Variants in KIF13A observed in about 807,000 individuals in gnomAD.
KIF13A encodes kinesin-like protein KIF13A.
KIF13A carries 79 observed loss-of-function variants against 212.2 expected under a neutral mutation model. That is an observed-to-expected ratio of 0.37 (90% CI 0.31 to 0.45). The LOEUF (loss-of-function observed/expected upper bound fraction) is 0.45. KIF13A is among the 20% of genes least tolerant of loss of function. The pLI is 1.00. For missense variants in KIF13A, 1,901 were observed against 2,209.0 expected (o/e 0.86, Z 2.79); for synonymous variants, 789 against 808.6 (o/e 0.98, Z 0.41).
chr6:17,781,360 C>A (rs996002191), intron 29 of KIF13A, 59 bp from the exon 30 acceptor site: 11 of 1,485,102 alleles, frequency 7.4e-6, no homozygotes, highest in East Asian at 4.7e-5. Context: ...TAAGCAAACA[C>A]CAAAAATTTA....
chr6:17,764,878 T>C lies in KIF13A; in HGVS notation c.4650A>G (p.Val1550=). The C allele has an allele frequency of 6.2e-7, 1 of 1,613,830 alleles. No individual in the cohort carries two copies. Among genetic ancestry groups the C allele is most frequent in the South Asian group, 1.1e-5 (1 of 91,054 alleles). ...NRKLISSQPY[V]PVEFADFSVY... ...CACTGAAGTCAGCAAACTCCACAGG[T>C]ACATAAGGCTGTGAACTTATTAGCT... The change falls in exon 39 of 39, where the codon GTA becomes GTG. Residue 1550 remains valine, a synonymous_variant. Coordinates refer to ENST00000259711, the MANE Select transcript of KIF13A (RefSeq NM_022113.6). The surrounding 1 kb of genome is among the most constrained non-coding windows in gnomAD (Gnocchi z 5.1).
At chr6:17,859,621 TA>T (rs1450176281) in intron 4 of KIF13A, among the ~76,000 whole-genome samples, 3 of 111,810 alleles carry the variant, frequency 2.7e-5, no homozygotes, top group African/African-American at 3.9e-5. Context: ...CAATGTATTT[TA>T]TATATATATA....
chr6:17,882,280 T>C (rs969504230), intron 3 of KIF13A: 3 of 286,782 alleles, frequency 1.0e-5, no homozygotes, highest in African/African-American at 4.4e-5. Context: ...AAGTATGTAC[T>C]AGGCATGTTT....
rs78226409 is a variant in KIF13A, at chr6:17,900,770, C to T, written c.147-2590G>A. Among the ~76,000 whole-genome samples the T allele has an allele frequency of 3.2e-4, 49 of 152,180 alleles. No homozygotes were observed. In the East Asian group the frequency reaches 8.5e-3, roughly 26 times the overall value. On this transcript the variant is annotated intron_variant, in intron 2 of 38. Coordinates refer to ENST00000259711, the MANE Select transcript of KIF13A (RefSeq NM_022113.6). The surrounding 1 kb of genome is among the most constrained non-coding windows in gnomAD (Gnocchi z 4.6). ...CCTTTCTTAAGGTTTCTAAGGGACT[C>T]GAACAAAACTGAGAGCTCAGTCCAG...
At chr6:17,985,712 T>A (rs955988249) in intron 2 of KIF13A, among the ~76,000 whole-genome samples, 1 of 150,144 alleles carries the variant, frequency 6.7e-6, no homozygotes, top group Admixed American at 6.6e-5. Context: ...ACTCAATGAG[T>A]TTACTTACTA....
chr6:17,943,669 T>C (rs1777139699), intron 2 of KIF13A, among the ~76,000 whole-genome samples: 1 of 152,164 alleles, frequency 6.6e-6, no homozygotes, highest in South Asian at 2.1e-4. Context: ...TCACTGATTC[T>C]GTCTTCCACA....
chr6:17,986,881 G>C (rs1282832006), intron 2 of KIF13A, among the ~76,000 whole-genome samples, 173 bp downstream of exon 2: 7 of 152,234 alleles, frequency 4.6e-5, no homozygotes, highest in East Asian at 1.9e-4. Flanking sequence ...GGAGGAGAAG[G>C]GGGGCGAGGG....
At chr6:17,869,098 T>C (rs1769761630) in intron 4 of KIF13A, among the ~76,000 whole-genome samples, 1 of 151,728 alleles carries the variant, frequency 6.6e-6, no homozygotes, top group Admixed American at 6.6e-5. Context: ...AGCCTTTAAT[T>C]TGCCTCTGAA....
At position 17,768,102 on chromosome 6, in the gene KIF13A, G is replaced by A. The variant is rs1759178811; in HGVS notation, c.4581+3012C>T. Among the ~76,000 whole-genome samples the A allele has an allele frequency of 6.6e-6, 1 of 152,190 alleles. No homozygotes were observed. The highest frequency in any genetic ancestry group is 2.4e-5 in the African/African-American group (1 of 41,450). On this transcript the variant is annotated intron_variant, in intron 38 of 38. Coordinates refer to ENST00000259711, the MANE Select transcript of KIF13A (RefSeq NM_022113.6). This position sits in a 1 kb window ranked among gnomAD's most constrained non-coding sequence, Gnocchi z 5.4. ...GAGATTGAATGTTTATTGAGTTATT[G>A]CCAATTAAGGGAGGATTTAATTGGC...
chr6:17,860,101 T>C lies in KIF13A; in HGVS notation c.221-3979A>G, dbSNP rs1352470031. ...GATTCCATTCATCATCAGTAATTCA[T>C]GCTGCATGACACTGGCAATCAGTTG... On this transcript the variant is annotated intron_variant, in intron 4 of 38. Transcript: ENST00000259711. Among the ~76,000 whole-genome samples the C allele has an allele frequency of 2.6e-5, 4 of 152,188 alleles. No individual in the cohort carries two copies. The East Asian group carries it at 5.8e-4, about 22-fold the overall frequency.
At chr6:17,925,435 C>T (rs1226201816) in intron 2 of KIF13A, among the ~76,000 whole-genome samples, 3 of 152,180 alleles carry the variant, frequency 2.0e-5, no homozygotes, top group Non-Finnish European at 4.4e-5. Flanking sequence ...TATTAGACAT[C>T]TAAATGAGAA....
chr6:17,764,434 T>C lies in KIF13A; in HGVS notation c.5094A>G (p.Ser1698=), dbSNP rs1447564481. Residue 1698 remains serine, a synonymous_variant, in exon 39 of 39, where the codon TCA becomes TCG. Coordinates refer to ENST00000259711, the MANE Select transcript of KIF13A (RefSeq NM_022113.6). This position sits in a 1 kb window ranked among gnomAD's most constrained non-coding sequence, Gnocchi z 5.1. ...KNSKSLCRTG[S]CSELDACPSK... is the part of the protein sequence containing the mutation. ...TGGGGCAGGCATCTAGTTCTGAACA[T>C]GAGCCAGTCCTGCACAGTGATTTGG... The C allele has an allele frequency of 1.9e-6, 3 of 1,613,592 alleles. No homozygotes were observed. Among genetic ancestry groups the C allele is most frequent in the Non-Finnish European group, 1.7e-6 (2 of 1,179,494 alleles).
Position 17,794,741 on chromosome 6 carries a change from G to T in KIF13A, c.2943-37C>A, listed in dbSNP as rs767366511. 6.3e-7 allele frequency: 1 copy of T among 1,590,988 alleles called. No individual in the cohort carries two copies. Among genetic ancestry groups the T allele is most frequent in the Non-Finnish European group, 8.5e-7 (1 of 1,171,814 alleles). ...CATTCCAACAAGCAAGAGCGTCATC[G>T]TCCAGGGATACTGTTAGTAATAGTA... is the stretch of plus-strand genomic sequence containing the variant. On this transcript the variant is annotated intron_variant, in intron 23 of 38. Transcript: ENST00000259711. The surrounding 1 kb of genome is among the most constrained non-coding windows in gnomAD (Gnocchi z 4.1).
chr6:17,891,784 A>G (rs1457817396), intron 3 of KIF13A, among the ~76,000 whole-genome samples: 3 of 152,050 alleles, frequency 2.0e-5, no homozygotes, highest in African/African-American at 7.2e-5. Context: ...AAGACACCCA[A>G]TTTGGGGAGA....
At chr6:17,954,964 C>T (rs912248117) in intron 2 of KIF13A, among the ~76,000 whole-genome samples, 2 of 152,112 alleles carry the variant, frequency 1.3e-5, no homozygotes, top group South Asian at 2.1e-4. Flanking sequence ...CAGGTGTGTG[C>T]CACCACACCA....
In KIF13A at chr6:17,869,064, G is replaced by T. The variant is rs1769754751; in HGVS notation, c.220+4313C>A. Reference sequence around the variant, plus strand: ...AAAATACCTCAAAGCATGATTCAATGCAATGTGAATGGCTTAACAAATAAG... The same window carrying T: ...AAAATACCTCAAAGCATGATTCAATTCAATGTGAATGGCTTAACAAATAAG... On this transcript the variant is annotated intron_variant, in intron 4 of 38. Transcript: ENST00000259711. Among the ~76,000 whole-genome samples, 3 of 139,810 alleles carry T rather than the reference G, an allele frequency of 2.1e-5. No homozygotes were observed. In the Admixed American group the frequency reaches 2.2e-4, roughly 10 times the overall value. 91.7% of individuals were successfully genotyped at this position (139,810 alleles called of 152,430 possible). A position where few individuals can be genotyped will look rare whatever the true frequency, so the allele number is the denominator to read the frequency against.
At chr6:17,832,473 C>T (rs1012931047) in intron 12 of KIF13A, among the ~76,000 whole-genome samples, 1 of 151,544 alleles carries the variant, frequency 6.6e-6, no homozygotes, top group Non-Finnish European at 1.5e-5. Context: ...CCTGACTCTA[C>T]CAAAAGATAC....
intron 2 of KIF13A, among the ~76,000 whole-genome samples, chr6:17,945,912 A>G (rs1777348167): frequency 6.6e-6 from 1 of 152,212 alleles, no homozygotes; most frequent in Non-Finnish European, 1.5e-5. Flanking sequence ...TAGAACCAGT[A>G]TCAAAGATCA....
intron 17 of KIF13A, chr6:17,812,673 T>C (rs540386964): frequency 2.2e-4 from 34 of 152,340 alleles, no homozygotes; most frequent in Admixed American, 1.4e-3. Flanking sequence ...GAACAACTTA[T>C]ATTTCTTTGG....
Sources: gnomAD v4.1 joint callset for allele counts (sites outside exome capture counted in the v4.1 genomes callset) on GRCh38, gnomAD v4.1.1 for gene constraint, Gnocchi (gnomAD v3.1) non-coding constraint, MANE v1.5 for transcripts, NCBI Gene and HGNC (gene_info 2026-07-23, HGNC 2026-07-21) for gene names.